The following GABRB1 variants were observed in gnomAD, a reference collection of about 807,000 sequenced individuals.
GABRB1 encodes gamma-aminobutyric acid receptor subunit beta-1.
A neutral mutation model predicts 51.6 loss-of-function variants in GABRB1; 17 were observed. That is an observed-to-expected ratio of 0.33 (90% confidence interval 0.23 to 0.49). The LOEUF is 0.49. Among genes scored for constraint, GABRB1 ranks in the 20% least tolerant of loss-of-function variants. The probability of loss-of-function intolerance (pLI) is 0.99; values close to 1 mark genes in which losing one functional copy is unlikely to be tolerated. For missense variants in GABRB1, 410 were observed against 600.6 expected (o/e 0.68, Z 3.32); for synonymous variants, 247 against 218.9 (o/e 1.13, Z -1.14).
chr4:47,314,372 A>G (rs1175816106), intron 4 of GABRB1, among the ~76,000 whole-genome samples: 1 of 152,070 alleles, frequency 6.6e-6, no homozygotes, highest in East Asian at 1.9e-4. Flanking sequence ...ACAATGCTAA[A>G]TTGGCTATGT....
At chr4:47,288,745 G>A (rs1723609014) in intron 4 of GABRB1, among the ~76,000 whole-genome samples, 1 of 152,102 alleles carries the variant, frequency 6.6e-6, no homozygotes, top group African/African-American at 2.4e-5. Flanking sequence ...CTTTATAGGT[G>A]TTATTTTACT....
intron 3 of GABRB1, among the ~76,000 whole-genome samples, chr4:47,049,166 G>A (rs1726235395): frequency 6.6e-6 from 1 of 152,056 alleles, no homozygotes; most frequent in South Asian, 2.1e-4. Flanking sequence ...TCATAAAGGA[G>A]GAAACACAAT....
At chr4:47,127,004 T>C (rs1204807986) in intron 3 of GABRB1, among the ~76,000 whole-genome samples, 3 of 151,946 alleles carry the variant, frequency 2.0e-5, no homozygotes, top group Admixed American at 1.3e-4. Context: ...ATGTAGGTGG[T>C]TAGCCTCTGC....
intron 4 of GABRB1, among the ~76,000 whole-genome samples, chr4:47,249,570 T>G (rs1449940823): frequency 6.6e-6 from 1 of 152,140 alleles, no homozygotes; most frequent in African/African-American, 2.4e-5. Flanking sequence ...TCTCATTTCT[T>G]AGGTCTATTA....
intron 3 of GABRB1, chr4:47,032,935 GCC>G: frequency 3.0e-6 from 1 of 332,338 alleles, no homozygotes; most frequent in Non-Finnish European, 6.1e-6. Context: ...ATGCACCAAG[GCC>G]CTGCCACCGA....
chr4:47,426,033 G>A lies in GABRB1; in HGVS notation c.*15G>A, dbSNP rs774995285. The stretch of plus-strand genomic sequence containing the variant: ...ATGTACACTGAGGTCTGTTCTAATG[G>A]TTCCATTTAGACTACTTTCCTCTTC... On this transcript the variant is annotated 3_prime_UTR_variant, in exon 9 of 9. Coordinates refer to ENST00000295454, the MANE Select transcript of GABRB1 (RefSeq NM_000812.4). The A allele has an allele frequency of 6.6e-6, 10 of 1,526,006 alleles. No homozygotes were observed. The highest frequency in any genetic ancestry group is 1.8e-4 in the Middle Eastern group (1 of 5,680). The allele number at this position is 1,526,006 out of a possible 1,614,324, so 94.5% of individuals were successfully genotyped here.
At chr4:47,099,172 A>T (rs901998501) in intron 3 of GABRB1, among the ~76,000 whole-genome samples, 3 of 152,144 alleles carry the variant, frequency 2.0e-5, no homozygotes, top group African/African-American at 7.2e-5. Context: ...AAGCATTTAC[A>T]TAAGTTACAG....
At chr4:47,032,937 C>T (rs1328591450) in intron 3 of GABRB1, 1 of 328,090 alleles carries the variant, frequency 3.0e-6, no homozygotes, top group Non-Finnish European at 6.2e-6. Context: ...GCACCAAGGC[C>T]CTGCCACCGA....
At chr4:47,337,371 A>AAGGTT (rs1369924949) in intron 5 of GABRB1, among the ~76,000 whole-genome samples, 1 of 152,122 alleles carries the variant, frequency 6.6e-6, no homozygotes, top group Non-Finnish European at 1.5e-5. Flanking sequence ...AAGGGAGAGC[A>AAGGTT]AGGTTTTGAT....
intron 5 of GABRB1, among the ~76,000 whole-genome samples, chr4:47,329,564 T>G (rs1725391996): frequency 6.7e-6 from 1 of 148,524 alleles, no homozygotes; most frequent in South Asian, 2.1e-4. Flanking sequence ...AATAGAAGCC[T>G]TTCCATTCTA....
At chr4:47,040,207 T>C (rs1725778161) in intron 3 of GABRB1, among the ~76,000 whole-genome samples, 1 of 152,178 alleles carries the variant, frequency 6.6e-6, no homozygotes, top group Non-Finnish European at 1.5e-5. Context: ...TGGACCCTAA[T>C]CCTGAAATGC....
chr4:47,112,377 T>C (rs142064314), intron 3 of GABRB1, among the ~76,000 whole-genome samples: 2,380 of 152,316 alleles, frequency 0.016, 53 homozygotes, highest in African/African-American at 0.054. Flanking sequence ...GTGCTGGGAT[T>C]ACAGGCGTGA....
At chr4:47,291,496 C>A (rs531116102) in intron 4 of GABRB1, among the ~76,000 whole-genome samples, 5 of 152,300 alleles carry the variant, frequency 3.3e-5, no homozygotes, top group African/African-American at 1.2e-4. Context: ...GGGCCACTGT[C>A]CTCCAGGTCC....
chr4:47,088,940 A>T (rs181232805), intron 3 of GABRB1, among the ~76,000 whole-genome samples: 8 of 152,262 alleles, frequency 5.3e-5, no homozygotes, highest in Admixed American at 3.3e-4. Flanking sequence ...ACCTATTTTG[A>T]CTTCTTTGTC....
At chr4:47,240,667 A>G (rs551444716) in intron 4 of GABRB1, among the ~76,000 whole-genome samples, 1 of 152,170 alleles carries the variant, frequency 6.6e-6, no homozygotes, top group Non-Finnish European at 1.5e-5. Context: ...ATAAGAATAT[A>G]CGGAAAGTCT....
At chr4:47,034,366 C>G (rs759170655) in intron 3 of GABRB1, among the ~76,000 whole-genome samples, 3 of 151,992 alleles carry the variant, frequency 2.0e-5, no homozygotes, top group African/African-American at 7.2e-5. Context: ...CATACATAAG[C>G]TCAGAACAAG....
chr4:47,031,998 C>A lies in GABRB1; in HGVS notation c.165C>A (p.Asp55Glu). The A allele has an allele frequency of 6.2e-7, 1 of 1,609,526 alleles. No homozygotes were observed. Among genetic ancestry groups the A allele is most frequent in the Non-Finnish European group, 8.5e-7 (1 of 1,178,798 alleles). Residue 55 changes from aspartate (D) to glutamate (E), a missense_variant, in exon 2 of 9, where the codon GAC (aspartate) becomes GAA (glutamate). Coordinates refer to ENST00000295454, the MANE Select transcript of GABRB1 (RefSeq NM_000812.4). ...GATATGACATTCGCTTGCGGCCGGA[C>A]TTCGGAGGTAACGCTTCATCTTTTT... ...LKGYDIRLRP[D>E]FGGPPVDVGM...
Position 47,426,019 on chromosome 4 carries a change from G to T in GABRB1, c.*1G>T. ...CTATTGGCTTTACTATGTACACTGA[G>T]GTCTGTTCTAATGGTTCCATTTAGA... is the stretch of plus-strand genomic sequence containing the variant. On this transcript the variant is annotated 3_prime_UTR_variant, in exon 9 of 9. Transcript: ENST00000295454. 6.4e-7 allele frequency: 1 copy of T among 1,573,602 alleles called. No individual in the cohort carries two copies. The highest frequency in any genetic ancestry group is 8.6e-7 in the Non-Finnish European group (1 of 1,157,242).
At chr4:47,422,396 C>T (rs2110068093) in intron 8 of GABRB1, among the ~76,000 whole-genome samples, 1 of 152,288 alleles carries the variant, frequency 6.6e-6, no homozygotes, top group East Asian at 1.9e-4. Flanking sequence ...GGAGTCCATA[C>T]AAACTCCCTT....
Sources: gnomAD v4.1 joint callset for allele counts (sites outside exome capture counted in the v4.1 genomes callset) on GRCh38, gnomAD v4.1.1 for gene constraint, MANE v1.5 for transcripts, NCBI Gene and HGNC (gene_info 2026-07-23, HGNC 2026-07-21) for gene names.